The following CREB5 variants were observed in gnomAD, a reference collection of about 807,000 sequenced individuals.
The protein encoded by CREB5 is cAMP responsive element binding protein 5.
In CREB5, 19 loss-of-function variants were observed where a neutral mutation model predicts 57.1. The ratio of observed to expected loss-of-function variants is 0.33; its 90% CI spans 0.23 to 0.49. CREB5 has a LOEUF of 0.49. Ranked by LOEUF, CREB5 falls within the 20% of genes least tolerant of loss-of-function variation. CREB5 has a pLI of 0.99. For synonymous variants in CREB5, 238 were observed against 238.3 expected (o/e 1.00, Z 0.01); for missense variants, 579 against 671.6 (o/e 0.86, Z 1.52).
chr7:28,623,694 C>T (rs116307944), intron 5 of CREB5, among the ~76,000 whole-genome samples: 2,168 of 152,184 alleles, frequency 0.014, 45 homozygotes, highest in African/African-American at 0.048. Flanking sequence ...TTCCCCTGCC[C>T]GTGGCTTAAT....
At chr7:28,382,513 C>A (rs1786986219) in intron 1 of CREB5, among the ~76,000 whole-genome samples, 1 of 152,164 alleles carries the variant, frequency 6.6e-6, no homozygotes. Context: ...AACCATCCTG[C>A]ATTTTTTTCC....
chr7:28,389,579 T>G (rs1042096826), intron 1 of CREB5, among the ~76,000 whole-genome samples: 1 of 152,094 alleles, frequency 6.6e-6, no homozygotes, highest in Non-Finnish European at 1.5e-5. Flanking sequence ...AAACCAGTTG[T>G]GGGTTTAAAA....
At chr7:28,801,037 G>A (rs1468119878) in intron 7 of CREB5, among the ~76,000 whole-genome samples, 4 of 152,138 alleles carry the variant, frequency 2.6e-5, no homozygotes, top group African/African-American at 9.7e-5. Flanking sequence ...ACAAGGACTG[G>A]CACATAGCAT....
At chr7:28,439,440 G>T (rs17156691) in intron 1 of CREB5, among the ~76,000 whole-genome samples, 2,007 of 152,230 alleles carry the variant, frequency 0.013, 29 homozygotes, top group East Asian at 0.057. Context: ...TATTCTCTCT[G>T]CTCAATCTTT....
At chr7:28,383,623 A>G (rs191645103) in intron 1 of CREB5, among the ~76,000 whole-genome samples, 14 of 152,308 alleles carry the variant, frequency 9.2e-5, no homozygotes, top group Middle Eastern at 3.4e-3. Context: ...CTTTTAAACA[A>G]CAAGATCTCC....
intron 1 of CREB5, among the ~76,000 whole-genome samples, chr7:28,397,374 C>T (rs1348937526): frequency 6.6e-5 from 10 of 152,006 alleles, no homozygotes; most frequent in Admixed American, 2.0e-4. Flanking sequence ...TAGGGTGGGT[C>T]GGACATGAAA....
At chr7:28,353,529 G>A (rs1786277924) in intron 1 of CREB5, among the ~76,000 whole-genome samples, 1 of 152,134 alleles carries the variant, frequency 6.6e-6, no homozygotes, top group South Asian at 2.1e-4. Context: ...GTGTTTCAGG[G>A]AAAGGAAGCA....
rs1798230325 is a variant in CREB5 at position 28,632,173 on chromosome 7, C to T, written c.464+61636C>T. On this transcript the variant is annotated intron_variant, in intron 5 of 10. Coordinates refer to ENST00000357727, the MANE Select transcript of CREB5 (RefSeq NM_182898.4). ...TGTTCCATTTCCACAAGATAACAGC[C>T]TTTATCCCCCTACACCAAAATTGTA... 2.6e-5 allele frequency among the ~76,000 whole-genome samples: 4 copies of T among 152,162 alleles called. No individual in the cohort carries two copies. In the South Asian group the frequency reaches 8.3e-4, roughly 32 times the overall value.
chr7:28,488,292 C>T, intron 2 of CREB5, 46 bp downstream of exon 2: 1 of 1,579,584 alleles, frequency 6.3e-7, no homozygotes, highest in Admixed American at 1.7e-5. Flanking sequence ...GGCCTGCTTT[C>T]CGAAAGGGAA....
chr7:28,475,602 G>T (rs927476046), intron 1 of CREB5, among the ~76,000 whole-genome samples: 2 of 151,822 alleles, frequency 1.3e-5, no homozygotes, highest in Non-Finnish European at 2.9e-5. Context: ...AGTGGAGAGT[G>T]GGTATAAAGA....
chr7:28,553,217 A>C (rs1481145263), intron 4 of CREB5, among the ~76,000 whole-genome samples: 1 of 152,186 alleles, frequency 6.6e-6, no homozygotes, highest in Non-Finnish European at 1.5e-5. Context: ...ATTTTTTATA[A>C]AACATGATCC....
intron 5 of CREB5, among the ~76,000 whole-genome samples, chr7:28,652,655 A>C (rs1799183202): frequency 6.6e-6 from 1 of 152,194 alleles, no homozygotes; most frequent in Non-Finnish European, 1.5e-5. Flanking sequence ...AGAGTTTGAG[A>C]GATTGCATGC....
chr7:28,737,572 TATATATATATA>T (rs1562606730), intron 7 of CREB5, among the ~76,000 whole-genome samples: 26 of 38,444 alleles, frequency 6.8e-4, no homozygotes, highest in African/African-American at 1.7e-3. Context: ...TATATATATA[TATATATATATA>T]TATATTTTTA....
intron 1 of CREB5, among the ~76,000 whole-genome samples, chr7:28,414,600 C>G (rs999191374): frequency 6.6e-6 from 1 of 152,074 alleles, no homozygotes; most frequent in Non-Finnish European, 1.5e-5. Context: ...AATAAGTAAG[C>G]TATCTATTTT....
At chr7:28,445,751 C>T (rs1265811442) in intron 1 of CREB5, among the ~76,000 whole-genome samples, 4 of 151,800 alleles carry the variant, frequency 2.6e-5, no homozygotes, top group Non-Finnish European at 5.9e-5. Flanking sequence ...TGGGGTTTCA[C>T]TGTGTTAGCC....
intron 1 of CREB5, among the ~76,000 whole-genome samples, chr7:28,469,905 T>C (rs932381531): frequency 2.6e-5 from 4 of 152,194 alleles, no homozygotes; most frequent in African/African-American, 9.7e-5. Context: ...TCCAATGTGA[T>C]CATGTTTATT....
intron 1 of CREB5, among the ~76,000 whole-genome samples, chr7:28,377,410 T>A (rs1786855214): frequency 6.6e-6 from 1 of 152,026 alleles, no homozygotes; most frequent in Non-Finnish European, 1.5e-5. Context: ...ATTAATTTCA[T>A]CTGTTTGTTT....
At chr7:28,733,318 A>C (rs992424474) in intron 7 of CREB5, among the ~76,000 whole-genome samples, 1 of 152,126 alleles carries the variant, frequency 6.6e-6, no homozygotes, top group African/African-American at 2.4e-5. Flanking sequence ...TTGCATAGGA[A>C]CATGTTGCAC....
intron 1 of CREB5, among the ~76,000 whole-genome samples, chr7:28,432,793 C>A (rs1562712401): frequency 1.3e-5 from 2 of 152,086 alleles, no homozygotes; most frequent in Non-Finnish European, 2.9e-5. Context: ...TTTTCTGATT[C>A]AAAAATACTC....
Sources: allele counts gnomAD v4.1 joint callset (sites outside exome capture counted in the v4.1 genomes callset), GRCh38; gene constraint gnomAD v4.1.1; transcripts MANE v1.5; gene names NCBI Gene and HGNC (gene_info 2026-07-23, HGNC 2026-07-21).